Variants in PHACTR2 observed in about 807,000 individuals in gnomAD.
The protein encoded by PHACTR2 is phosphatase and actin regulator 2.
Under a neutral mutation model 76.0 loss-of-function variants are expected in PHACTR2, and 30 were observed. That is an observed-to-expected ratio of 0.39 (90% CI 0.30 to 0.54). The LOEUF is 0.54. PHACTR2 is among the 20% of genes least tolerant of loss of function. The probability of loss-of-function intolerance (pLI) is 0.61; values close to 1 mark genes in which losing one functional copy is unlikely to be tolerated. For missense variants in PHACTR2, 696 were observed against 781.1 expected (o/e 0.89, Z 1.30); for synonymous variants, 292 against 292.5 (o/e 1.00, Z 0.02).
intron 2 of PHACTR2, among the ~76,000 whole-genome samples, chr6:143,719,254 T>C (rs6570575): frequency 1 from 149,206 of 149,206 alleles, 74,603 homozygotes; most frequent in Non-Finnish European, 1. Context: ...TCCTTTTTCC[T>C]AATTTACTGT....
intron 1 of PHACTR2, among the ~76,000 whole-genome samples, chr6:143,615,498 A>G (rs1487831462): frequency 6.6e-6 from 1 of 152,224 alleles, no homozygotes; most frequent in African/African-American, 2.4e-5. Context: ...GATAGAAGTT[A>G]GTATATGGAT....
chr6:143,763,587 A>G (rs1470407322), intron 5 of PHACTR2, among the ~76,000 whole-genome samples: 1 of 152,196 alleles, frequency 6.6e-6, no homozygotes, highest in African/African-American at 2.4e-5. Context: ...ACAGGTCTAG[A>G]TTTGGGGAAG....
At chr6:143,797,875 A>T (rs1378582587) in intron 11 of PHACTR2, among the ~76,000 whole-genome samples, 1 of 152,178 alleles carries the variant, frequency 6.6e-6, no homozygotes, top group Non-Finnish European at 1.5e-5. Context: ...TGTCTTGGAT[A>T]TGCGAGCTCT....
intron 1 of PHACTR2, among the ~76,000 whole-genome samples, chr6:143,565,564 C>A (rs1775351485): frequency 6.8e-6 from 1 of 146,502 alleles, no homozygotes; most frequent in African/African-American, 2.5e-5. Context: ...AAGATCGCGC[C>A]ACTGCACTCC....
At chr6:143,729,138 C>G (rs1232606140) in intron 2 of PHACTR2, among the ~76,000 whole-genome samples, 1 of 152,094 alleles carries the variant, frequency 6.6e-6, no homozygotes, top group Non-Finnish European at 1.5e-5. Flanking sequence ...ATCCATATAT[C>G]CTCTTTGATG....
rs1440896702 is a variant in PHACTR2 at position 143,771,199 on chromosome 6, T to TATAC, written c.1233-1056_1233-1055insCATA. Among the ~76,000 whole-genome samples, 30 of 54,878 alleles carry TATAC rather than the reference T, an allele frequency of 5.5e-4. 2 individuals are homozygous for TATAC. Among genetic ancestry groups the TATAC allele is most frequent in the Non-Finnish European group, 4.9e-4 (15 of 30,506 alleles). The allele number at this position is 54,878 out of a possible 152,430, so 36.0% of individuals were successfully genotyped here. A position where few individuals can be genotyped will look rare whatever the true frequency, so the allele number is the denominator to read the frequency against. On this transcript the variant is annotated intron_variant, in intron 6 of 12. Transcript: ENST00000440869. ...GTATATATATATATATGTGTGTATATATATATATATATATATATATATATA... is the reference window on the plus strand; with the variant it reads ...GTATATATATATATATGTGTGTATATATACATATATATATATATATATATATATA...
At chr6:143,635,597 AT>A (rs1776438446) in intron 1 of PHACTR2, among the ~76,000 whole-genome samples, 2 of 152,172 alleles carry the variant, frequency 1.3e-5, no homozygotes, top group Non-Finnish European at 2.9e-5. Context: ...AGGCCTATAA[AT>A]CTTTGGCAAC....
At chr6:143,702,638 T>C (rs1777940891) in intron 1 of PHACTR2, among the ~76,000 whole-genome samples, 1 of 152,146 alleles carries the variant, frequency 6.6e-6, no homozygotes, top group Admixed American at 6.5e-5. Flanking sequence ...AGGGCTTTAA[T>C]ATATAGCATA....
chr6:143,546,145 A>C lies in PHACTR2; in HGVS notation c.217+8938A>C, dbSNP rs112122340. On this transcript the variant is annotated intron_variant, in intron 1 of 11. Transcript: ENST00000367584. The surrounding 1 kb of genome is among the most constrained non-coding windows in gnomAD (Gnocchi z 4.9). ...TTTAAAATACCATGCTGAGTGACTC[A>C]TTATCTTTGATCACACTTGCTGAAA... is the stretch of plus-strand genomic sequence containing the variant. Among the ~76,000 whole-genome samples the C allele has an allele frequency of 1.8e-4, 28 of 152,334 alleles. No individual in the cohort carries two copies. The highest frequency in any genetic ancestry group is 6.3e-4 in the African/African-American group (26 of 41,584).
chr6:143,666,821 G>A (rs1339845968), intron 1 of PHACTR2, among the ~76,000 whole-genome samples: 5 of 152,324 alleles, frequency 3.3e-5, no homozygotes, highest in Non-Finnish European at 7.3e-5. Flanking sequence ...CTCCCATTCT[G>A]TAGGTTGCCT....
intron 1 of PHACTR2, among the ~76,000 whole-genome samples, chr6:143,667,695 G>A (rs993972807): frequency 6.6e-6 from 1 of 152,136 alleles, no homozygotes; most frequent in Non-Finnish European, 1.5e-5. Flanking sequence ...CTGATGTATA[G>A]GAATGCTTAT....
chr6:143,572,992 T>C (rs1775464572), intron 1 of PHACTR2, among the ~76,000 whole-genome samples: 1 of 152,242 alleles, frequency 6.6e-6, no homozygotes, highest in South Asian at 2.1e-4. Context: ...AAATGAAATG[T>C]TTTTTACTTT....
intron 1 of PHACTR2, among the ~76,000 whole-genome samples, chr6:143,600,706 T>A (rs140329580): frequency 6.6e-6 from 1 of 152,348 alleles, no homozygotes; most frequent in African/African-American, 2.4e-5. Flanking sequence ...ATACCAAGAC[T>A]ATTGAGTGCT....
intron 2 of PHACTR2, among the ~76,000 whole-genome samples, chr6:143,713,231 G>A (rs1016599304): frequency 5.3e-5 from 8 of 152,068 alleles, no homozygotes; most frequent in Admixed American, 3.3e-4. Flanking sequence ...AAGTGGTCTC[G>A]GATGCATTTG....
rs1777831425 is a variant in PHACTR2 at position 143,698,787 on chromosome 6, C to T, written c.47-13229C>T. Among the ~76,000 whole-genome samples, 1 of 152,230 alleles carries T rather than the reference C, an allele frequency of 6.6e-6. No individual in the cohort carries two copies. The highest frequency in any genetic ancestry group is 1.5e-5 in the Non-Finnish European group (1 of 68,044). ...GTTTTTGCTTACCATTGTAGCCCTT[C>T]CTCTATAATAGCTGCTCAGTTAATT... is the stretch of plus-strand genomic sequence containing the variant. On this transcript the variant is annotated intron_variant, in intron 1 of 12. Transcript: ENST00000440869. This position sits in a 1 kb window ranked among gnomAD's most constrained non-coding sequence, Gnocchi z 4.3.
chr6:143,701,116 G>A (rs552425205), intron 1 of PHACTR2, among the ~76,000 whole-genome samples: 9 of 152,276 alleles, frequency 5.9e-5, no homozygotes, highest in Admixed American at 2.6e-4. Flanking sequence ...TAAATATCCT[G>A]TAGCAAGTCT....
rs9496744 is a variant in PHACTR2 at position 143,704,892 on chromosome 6, G to A, written c.47-7124G>A. Among the ~76,000 whole-genome samples, 382 of 151,278 alleles carry A rather than the reference G, an allele frequency of 2.5e-3. 1 individual carries two copies. Among genetic ancestry groups the A allele is most frequent in the African/African-American group, 8.7e-3 (357 of 41,216 alleles). On this transcript the variant is annotated intron_variant, in intron 1 of 12. Transcript: ENST00000440869. ...TGCCCAGGCTGGAGTGCAGTGGCGC[G>A]ATCTCGGCTCACTGCAACCTCTGCC... is the stretch of plus-strand genomic sequence containing the variant.
At chr6:143,657,120 A>C (rs1776862079) in intron 1 of PHACTR2, among the ~76,000 whole-genome samples, 1 of 152,110 alleles carries the variant, frequency 6.6e-6, no homozygotes, top group South Asian at 2.1e-4. Context: ...CATTAAGACA[A>C]ATACCGAATG....
intron 1 of PHACTR2, among the ~76,000 whole-genome samples, chr6:143,545,920 C>T (rs544166714): frequency 1.3e-5 from 2 of 152,276 alleles, no homozygotes; most frequent in South Asian, 2.1e-4. Context: ...TTGACTTACT[C>T]GTGATGGAGT....
Sources: gnomAD v4.1 joint callset for allele counts (sites outside exome capture counted in the v4.1 genomes callset) on GRCh38, gnomAD v4.1.1 for gene constraint, Gnocchi (gnomAD v3.1) non-coding constraint, MANE v1.5 for transcripts, NCBI Gene and HGNC (gene_info 2026-07-23, HGNC 2026-07-21) for gene names.